The following PLCL1 variants were observed in gnomAD, a reference collection of about 807,000 sequenced individuals.
PLCL1 encodes the protein phospholipase C like 1 (inactive), also known as inactive phospholipase C-like protein 1.
In PLCL1, 41 loss-of-function variants were observed where a neutral mutation model predicts 84.4. The observed-to-expected ratio is 0.49, with a 90% CI of 0.38 to 0.63. The LOEUF (loss-of-function observed/expected upper bound fraction) is 0.63, where lower values mean the gene tolerates loss of function less well. Ranked by LOEUF, PLCL1 falls within the 30% of genes least tolerant of loss-of-function variation. PLCL1 has a pLI of 0.00. For missense variants in PLCL1, 1,206 were observed against 1,367.8 expected (o/e 0.88, Z 1.87); for synonymous variants, 490 against 488.3 (o/e 1.00, Z -0.05).
chr2:198,084,862 G>A lies in PLCL1; in HGVS notation c.1345G>A (p.Gly449Ser), dbSNP rs1241307529. Residue 449 changes from glycine to serine, a missense_variant, in exon 2 of 6, where the codon GGT becomes AGT. By Grantham distance (56) the Gly-to-Ser change is moderately conservative. Coordinates refer to ENST00000428675, the MANE Select transcript of PLCL1 (RefSeq NM_006226.4). ...CRSVELDVSD[G>S]SDNEPILCNR... is the part of the protein sequence containing the mutation. Reference sequence around the variant, plus strand: ...AAGCGTTGAACTCGATGTAAGTGATGGTTCAGATAATGAACCAATCCTTTG... The same window carrying A: ...AAGCGTTGAACTCGATGTAAGTGATAGTTCAGATAATGAACCAATCCTTTG... The A allele has an allele frequency of 6.2e-7, 1 of 1,613,946 alleles. No homozygotes were observed. The highest frequency in any genetic ancestry group is 2.2e-5 in the East Asian group (1 of 44,878).
intron 5 of PLCL1, among the ~76,000 whole-genome samples, chr2:198,140,733 C>G (rs935494080): frequency 1.3e-4 from 20 of 151,850 alleles, no homozygotes; most frequent in Admixed American, 5.2e-4. Flanking sequence ...TTCTGTGGAC[C>G]CTTTGGCATT....
At chr2:197,807,163 A>T (rs1559011330) in intron 1 of PLCL1, among the ~76,000 whole-genome samples, 1 of 152,236 alleles carries the variant, frequency 6.6e-6, no homozygotes, top group African/African-American at 2.4e-5. Flanking sequence ...CATATAATTT[A>T]AAAAATCAAA....
At chr2:198,105,327 G>T (rs1225343334) in intron 5 of PLCL1, among the ~76,000 whole-genome samples, 4 of 151,878 alleles carry the variant, frequency 2.6e-5, no homozygotes, top group Non-Finnish European at 1.5e-5. Context: ...GATGGTTGTA[G>T]GTGTGCAGCA....
In PLCL1 at chr2:198,083,692, A is replaced by G. The variant is rs1692778207; in HGVS notation, c.241-66A>G. 3 of 1,013,300 alleles carry G rather than the reference A, an allele frequency of 3.0e-6. No individual in the cohort carries two copies. The Admixed American group carries it at 7.6e-5, about 26-fold the overall frequency. 62.8% of individuals were successfully genotyped at this position (1,013,300 alleles called of 1,614,324 possible). A position where few individuals can be genotyped will look rare whatever the true frequency, so the allele number is the denominator to read the frequency against. On this transcript the variant is annotated intron_variant, in intron 1 of 5. Coordinates refer to ENST00000428675, the MANE Select transcript of PLCL1 (RefSeq NM_006226.4). ...GTGAATTGAAGTTTGAGGAGTTCAT[A>G]GAGTGTTACTGAATTTGTCTGTTTT... is the stretch of plus-strand genomic sequence containing the variant.
intron 1 of PLCL1, among the ~76,000 whole-genome samples, chr2:197,819,920 GTA>G (rs1172114017): frequency 1.3e-5 from 2 of 148,426 alleles, no homozygotes; most frequent in South Asian, 2.1e-4. Flanking sequence ...GTGTGTGTGT[GTA>G]TGTAGTAGGG....
intron 1 of PLCL1, among the ~76,000 whole-genome samples, chr2:198,021,562 A>C (rs1273830800): frequency 6.6e-6 from 1 of 152,184 alleles, no homozygotes; most frequent in Non-Finnish European, 1.5e-5. Flanking sequence ...TAAAGGGGAG[A>C]TCACCACTGG....
intron 1 of PLCL1, among the ~76,000 whole-genome samples, chr2:197,969,531 A>G (rs527850668): frequency 4.6e-5 from 7 of 152,074 alleles, no homozygotes; most frequent in African/African-American, 1.7e-4. Context: ...GAGAGCTTTC[A>G]TCACCTCCAT....
intron 1 of PLCL1, among the ~76,000 whole-genome samples, chr2:198,064,303 A>G (rs1294758536): frequency 6.6e-6 from 1 of 152,158 alleles, no homozygotes; most frequent in African/African-American, 2.4e-5. Context: ...GTCAAATGTG[A>G]CTTAGATTTA....
intron 5 of PLCL1, among the ~76,000 whole-genome samples, chr2:198,126,771 G>A (rs2105932518): frequency 1.3e-5 from 2 of 152,176 alleles, no homozygotes; most frequent in South Asian, 4.2e-4. Flanking sequence ...TGGGCATGGT[G>A]GCACATATCT....
intron 1 of PLCL1, among the ~76,000 whole-genome samples, chr2:198,046,992 G>C (rs1213938820): frequency 1.3e-5 from 2 of 152,094 alleles, no homozygotes; most frequent in Non-Finnish European, 2.9e-5. Flanking sequence ...GATATGTTTT[G>C]ATGTTTTCGT....
intron 1 of PLCL1, 30 bp from the exon 2 acceptor site, chr2:198,083,728 T>C: frequency 2.8e-6 from 4 of 1,443,054 alleles, no homozygotes; most frequent in Non-Finnish European, 3.8e-6. Flanking sequence ...CTAAAGGAAA[T>C]TGATTCATTT....
At chr2:197,963,295 A>G (rs1689660348) in intron 1 of PLCL1, among the ~76,000 whole-genome samples, 1 of 152,002 alleles carries the variant, frequency 6.6e-6, no homozygotes, top group Non-Finnish European at 1.5e-5. Flanking sequence ...GGGCGAGATG[A>G]TATCTCATTG....
chr2:197,862,902 A>G (rs700690), intron 1 of PLCL1, among the ~76,000 whole-genome samples: 110,727 of 151,924 alleles, frequency 0.73, 41,437 homozygotes, highest in African/African-American at 0.91. Flanking sequence ...TTGAGACTGG[A>G]GAAGAGTAGA....
chr2:198,146,181 G>A (rs1271038064), intron 5 of PLCL1, among the ~76,000 whole-genome samples: 1 of 152,122 alleles, frequency 6.6e-6, no homozygotes, highest in Non-Finnish European at 1.5e-5. Context: ...CCATCTGCCA[G>A]GTGGGAACAT....
At chr2:198,086,354 C>T in intron 2 of PLCL1, 122 bp downstream of exon 2, 1 of 709,818 alleles carries the variant, frequency 1.4e-6, no homozygotes, top group Non-Finnish European at 2.3e-6. Flanking sequence ...GGTGTGGTGA[C>T]TCATTCCTGT....
At chr2:197,922,333 G>C (rs1443915127) in intron 1 of PLCL1, among the ~76,000 whole-genome samples, 2 of 91,990 alleles carry the variant, frequency 2.2e-5, no homozygotes, top group East Asian at 6.8e-4. Context: ...TTGGGGGTAA[G>C]GTCACAGATC....
chr2:198,030,733 A>G (rs544925161), intron 1 of PLCL1, among the ~76,000 whole-genome samples: 3 of 152,080 alleles, frequency 2.0e-5, no homozygotes, highest in Non-Finnish European at 2.9e-5. Context: ...CAGCATAGAG[A>G]GCTTAGTGGA....
At chr2:197,940,239 T>C (rs1689132337) in intron 1 of PLCL1, among the ~76,000 whole-genome samples, 1 of 152,182 alleles carries the variant, frequency 6.6e-6, no homozygotes, top group Non-Finnish European at 1.5e-5. Context: ...GTGGGTTTTG[T>C]GATATAATTT....
chr2:197,817,923 CT>C (rs1374716999), intron 1 of PLCL1, among the ~76,000 whole-genome samples: 1 of 151,832 alleles, frequency 6.6e-6, no homozygotes, highest in South Asian at 2.1e-4. Flanking sequence ...TTTTGGAGAA[CT>C]TTTAACCGAT....
Sources: allele counts gnomAD v4.1 joint callset (sites outside exome capture counted in the v4.1 genomes callset), GRCh38; gene constraint gnomAD v4.1.1; transcripts MANE v1.5; gene names NCBI Gene and HGNC (gene_info 2026-07-23, HGNC 2026-07-21).